Variants in GAB2 observed in about 807,000 individuals in gnomAD.
The protein encoded by GAB2 is GRB2-associated-binding protein 2.
GAB2 carries 26 observed loss-of-function variants against 65.5 expected under a neutral mutation model. The ratio of observed to expected loss-of-function variants is 0.40; its 90% CI spans 0.29 to 0.55. The LOEUF is 0.55. Ranked by LOEUF, GAB2 falls within the 20% of genes least tolerant of loss-of-function variation. GAB2 has a pLI of 0.53. For missense variants in GAB2, 884 were observed against 875.8 expected, an observed-to-expected ratio of 1.01 and a Z score of -0.12; for synonymous variants, 321 against 329.6, an observed-to-expected ratio of 0.97 and a Z score of 0.28.
At chr11:78,396,312 G>C (rs1172581946) in intron 1 of GAB2, among the ~76,000 whole-genome samples, 3 of 152,208 alleles carry the variant, frequency 2.0e-5, no homozygotes, top group Admixed American at 6.5e-5. Context: ...CACCAATTTA[G>C]TTTCAGCAAA....
chr11:78,241,204 C>T (rs953817791), intron 3 of GAB2, among the ~76,000 whole-genome samples: 1 of 152,230 alleles, frequency 6.6e-6, no homozygotes, highest in African/African-American at 2.4e-5. Flanking sequence ...TGATGTTGAA[C>T]ATAGGCAAAG....
intron 1 of GAB2, among the ~76,000 whole-genome samples, chr11:78,405,763 A>G (rs1034500224): frequency 1.3e-5 from 2 of 152,246 alleles, no homozygotes; most frequent in East Asian, 1.9e-4. Context: ...GATAAATTCC[A>G]TGAGTTTTCT....
At chr11:78,246,789 G>A (rs997889585) in intron 3 of GAB2, among the ~76,000 whole-genome samples, 19 of 152,254 alleles carry the variant, frequency 1.2e-4, no homozygotes, top group Admixed American at 2.6e-4. Context: ...GTGAGCCACC[G>A]CACCCGGCCG....
rs537198019 is a variant in GAB2 at position 78,311,987 on chromosome 11, T to C, written c.76-31086A>G. Among the ~76,000 whole-genome samples, 405 of 152,268 alleles carry C rather than the reference T, an allele frequency of 2.7e-3. 7 individuals are homozygous for C. The highest frequency in any genetic ancestry group is 0.02 in the Middle Eastern group (6 of 294). ...TGCCGTCCAGGGCTGGCTGTAGTGA[T>C]AGACATCAGCTTCATGCCTTGCTGC... is the stretch of plus-strand genomic sequence containing the variant. On this transcript the variant is annotated intron_variant, in intron 1 of 9. Transcript: ENST00000361507.
intron 3 of GAB2, among the ~76,000 whole-genome samples, chr11:78,232,857 C>A (rs1215039436): frequency 6.6e-6 from 1 of 152,076 alleles, no homozygotes; most frequent in East Asian, 1.9e-4. Flanking sequence ...CTTTATACCC[C>A]CTACTCAAAA....
chr11:78,416,280 A>AT (rs1301214839), intron 1 of GAB2, among the ~76,000 whole-genome samples: 3 of 152,150 alleles, frequency 2.0e-5, no homozygotes, highest in Non-Finnish European at 2.9e-5. Context: ...AAATCCTTAG[A>AT]TTTTTTTCCC....
chr11:78,231,573 C>G (rs1229610026), intron 3 of GAB2, among the ~76,000 whole-genome samples: 1 of 152,324 alleles, frequency 6.6e-6, no homozygotes, highest in Non-Finnish European at 1.5e-5. Context: ...TGGTCTCGAA[C>G]TCCTGACCTC....
At chr11:78,363,496 T>C (rs1000577903) in intron 1 of GAB2, among the ~76,000 whole-genome samples, 3 of 152,228 alleles carry the variant, frequency 2.0e-5, no homozygotes, top group African/African-American at 7.2e-5. Context: ...TACCAGGTAC[T>C]GTGTTAAGTA....
chr11:78,296,238 G>A (rs1209403119), intron 1 of GAB2, among the ~76,000 whole-genome samples: 2 of 152,166 alleles, frequency 1.3e-5, no homozygotes, highest in South Asian at 2.1e-4. Context: ...AAGGGTCCTC[G>A]GCCCAGGGGG....
intron 1 of GAB2, among the ~76,000 whole-genome samples, chr11:78,297,763 G>T (rs1188910389): frequency 6.6e-6 from 1 of 152,106 alleles, no homozygotes; most frequent in African/African-American, 2.4e-5. Flanking sequence ...ATTGGCAAAT[G>T]AGCTTGAGAA....
chr11:78,270,458 T>C (rs758418293), intron 2 of GAB2, among the ~76,000 whole-genome samples: 10 of 152,058 alleles, frequency 6.6e-5, no homozygotes, highest in Non-Finnish European at 1.0e-4. Context: ...TGACAATGGG[T>C]TGGGAAAAGT....
chr11:78,227,280 C>A (rs1042645073), intron 3 of GAB2, among the ~76,000 whole-genome samples: 1 of 152,172 alleles, frequency 6.6e-6, no homozygotes, highest in Non-Finnish European at 1.5e-5. Context: ...TTATAACCCC[C>A]ACTCCCTGAA....
intron 1 of GAB2, among the ~76,000 whole-genome samples, chr11:78,282,601 G>A (rs1165606002): frequency 6.6e-6 from 1 of 152,032 alleles, no homozygotes; most frequent in Non-Finnish European, 1.5e-5. Flanking sequence ...GAGCCACTGT[G>A]TACGCCCGGC....
chr11:78,341,848 G>T, intron 1 of GAB2: 1 of 985,144 alleles, frequency 1.0e-6, no homozygotes, highest in Non-Finnish European at 1.2e-6. Flanking sequence ...TCTCTTCAGG[G>T]ATCTTCTTCA....
Position 78,216,569 on chromosome 11 carries a change from G to GTA in GAB2, c.*2701_*2702dup, listed in dbSNP as rs1042412345. On this transcript the variant is annotated 3_prime_UTR_variant, in exon 10 of 10. Coordinates refer to ENST00000361507, the MANE Select transcript of GAB2 (RefSeq NM_080491.3). ...CTACACTTGCACCCGAGGGATTTTG[G>GTA]TAGTTACCAGAATAGGGGGCTGGAA... The GTA allele has an allele frequency of 6.7e-6, 1 of 149,350 alleles. No homozygotes were observed. The highest frequency in any genetic ancestry group is 2.6e-5 in the African/African-American group (1 of 39,042). The allele number at this position is 149,350 out of a possible 1,614,324, so 9.3% of individuals were successfully genotyped here.
intron 2 of GAB2, among the ~76,000 whole-genome samples, chr11:78,265,135 C>T (rs552729691): frequency 5.3e-5 from 8 of 151,192 alleles, no homozygotes; most frequent in African/African-American, 1.9e-4. Context: ...AGACTAAAGT[C>T]ATTAATGTTG....
At chr11:78,356,859 AT>A (rs1268137576) in intron 1 of GAB2, among the ~76,000 whole-genome samples, 1 of 152,238 alleles carries the variant, frequency 6.6e-6, no homozygotes, top group Non-Finnish European at 1.5e-5. Context: ...ATATGGATGA[AT>A]TTTGAAGACT....
At chr11:78,397,697 T>G (rs1379760149) in intron 1 of GAB2, among the ~76,000 whole-genome samples, 1 of 152,208 alleles carries the variant, frequency 6.6e-6, no homozygotes, top group Non-Finnish European at 1.5e-5. Flanking sequence ...TCTTTGTCAT[T>G]TGTGTAGTAT....
intron 1 of GAB2, among the ~76,000 whole-genome samples, chr11:78,298,052 A>T (rs141809206): frequency 6.6e-4 from 100 of 152,264 alleles, no homozygotes; most frequent in African/African-American, 2.3e-3. Flanking sequence ...AATGGTTTTA[A>T]ATTTTTCCAT....
Sources: allele counts gnomAD v4.1 joint callset (sites outside exome capture counted in the v4.1 genomes callset), GRCh38; gene constraint gnomAD v4.1.1; transcripts MANE v1.5; gene names NCBI Gene and HGNC (gene_info 2026-07-23, HGNC 2026-07-21).